ACOT9: variants seen among roughly 807,000 people sequenced by gnomAD.
ACOT9 encodes acyl-coenzyme A thioesterase 9, mitochondrial.
ACOT9 carries 34 observed loss-of-function variants against 39.7 expected under a neutral mutation model. That is an observed-to-expected ratio of 0.86 (90% CI 0.65 to 1.14). The LOEUF is 1.14. Ranked by LOEUF, ACOT9 falls within the 50% of genes most tolerant of loss-of-function variation. ACOT9 has a pLI of 0.00. For synonymous variants in ACOT9, 110 were observed against 120.5 expected (o/e 0.91, Z 0.57); for missense variants, 313 against 344.1 (o/e 0.91, Z 0.71).
intron 4 of ACOT9, among the ~76,000 whole-genome samples, chrX:23,732,213 T>C (rs1429564928): frequency 8.9e-6 from 1 of 112,545 alleles, no homozygotes; most frequent in Non-Finnish European, 1.9e-5. Flanking sequence ...TAAACAGCTA[T>C]AAAAACATTT....
At chrX:23,740,678 T>A (rs1315529504) in intron 1 of ACOT9, among the ~76,000 whole-genome samples, 1 of 102,616 alleles carries the variant, frequency 9.7e-6, no homozygotes, top group African/African-American at 3.5e-5. Flanking sequence ...ACCAGCAGAG[T>A]CCAGATAGAG....
At chrX:23,721,301 C>A (rs1929310835) in intron 8 of ACOT9, among the ~76,000 whole-genome samples, 1 of 110,596 alleles carries the variant, frequency 9.0e-6, no homozygotes, top group Non-Finnish European at 1.9e-5. Flanking sequence ...CCATATTGGC[C>A]AGGCTGGTCT....
chrX:23,718,722 G>A (rs772755877), intron 8 of ACOT9, among the ~76,000 whole-genome samples: 2 of 108,131 alleles, frequency 1.8e-5, no homozygotes, highest in Admixed American at 1.0e-4. Flanking sequence ...TGGCTAACAC[G>A]GTGAAACCCC....
At chrX:23,715,225 A>T (rs938693396) in intron 8 of ACOT9, among the ~76,000 whole-genome samples, 1 of 111,863 alleles carries the variant, frequency 8.9e-6, no homozygotes. Context: ...TTCACCAAAT[A>T]CTGTGCTCAT....
chrX:23,721,730 C>T (rs1347846240), intron 8 of ACOT9, 151 bp downstream of exon 8: 3 of 398,663 alleles, frequency 7.5e-6, no homozygotes, highest in Non-Finnish European at 1.3e-5. Context: ...ATATTAATAA[C>T]CCACCATCCA....
chrX:23,725,470 C>CAAAAAA (rs34682904), intron 6 of ACOT9, among the ~76,000 whole-genome samples: 2 of 48,944 alleles, frequency 4.1e-5, no homozygotes, highest in African/African-American at 8.6e-5. Flanking sequence ...GACTCTGTCT[C>CAAAAAA]AAAAAAAAAA....
At chrX:23,725,488 A>AAAGAT (rs1488436114) in intron 6 of ACOT9, among the ~76,000 whole-genome samples, 6 of 102,810 alleles carry the variant, frequency 5.8e-5, no homozygotes, top group African/African-American at 2.1e-4. Flanking sequence ...AAAAAAAAAA[A>AAAGAT]AGATAAAGAT....
chrX:23,734,338 C>A lies in ACOT9; in HGVS notation c.145+3G>T. 8.4e-7 allele frequency: 1 copy of A among 1,195,557 alleles called. No homozygotes were observed. The highest frequency in any genetic ancestry group is 1.1e-6 in the Non-Finnish European group (1 of 885,764). On this transcript the variant is annotated splice_donor_region_variant and intron_variant, in intron 3 of 15. Transcript: ENST00000379303. ...AAAAGCTGATACTAATTACCACACACACCATGATTCACATGTATAGATGAA... is the reference window on the plus strand; with the variant it reads ...AAAAGCTGATACTAATTACCACACAAACCATGATTCACATGTATAGATGAA...
rs776012511 is a variant in ACOT9, at chrX:23,704,800, A to C, written c.1152T>G (p.Ser384Arg). 1.1e-5 allele frequency: 13 copies of C among 1,209,020 alleles called. No individual in the cohort carries two copies. The highest frequency in any genetic ancestry group is 1.3e-5 in the Non-Finnish European group (12 of 894,205). Reference sequence around the variant, plus strand: ...GCTTCTCCTGCAGGGAGGCCACTTCACTGTGTACTCTGACTTGAATATAAT... The same window carrying C: ...GCTTCTCCTGCAGGGAGGCCACTTCCCTGTGTACTCTGACTTGAATATAAT... ...QNNYIQVRVHSEVASLQEKQH... is the reference protein window; with the variant it reads ...QNNYIQVRVHREVASLQEKQH... The change falls in exon 15 of 16, where the codon AGT (serine) becomes AGG (arginine). Residue 384 changes from serine (S) to arginine (R), a missense_variant. Ser to Arg is a moderately radical substitution (Grantham distance 110). Transcript: ENST00000379303.
At chrX:23,734,416 A>G (rs922206713) in intron 2 of ACOT9, 49 bp from the exon 3 acceptor site, 2 of 1,040,665 alleles carry the variant, frequency 1.9e-6, no homozygotes, top group African/African-American at 3.8e-5. Context: ...ATAATTCAAA[A>G]CTAAAAGATA....
chrX:23,742,993 G>A (rs1055626079), intron 1 of ACOT9, 132 bp downstream of exon 1: 16 of 792,919 alleles, frequency 2.0e-5, no homozygotes, highest in African/African-American at 4.3e-5. Flanking sequence ...GTGGGCGAGC[G>A]CCCCTTATCA....
intron 10 of ACOT9, 33 bp from the exon 11 acceptor site, chrX:23,706,772 G>C (rs754163613): frequency 1.1e-6 from 1 of 921,469 alleles, no homozygotes; most frequent in Non-Finnish European, 1.5e-6. Flanking sequence ...GCAATGATCA[G>C]GACGGTCGCA....
chrX:23,743,215 G>A lies in ACOT9; in HGVS notation c.-71C>T. On this transcript the variant is annotated 5_prime_UTR_variant, in exon 1 of 16. Transcript: ENST00000379303. Reference sequence around the variant, plus strand: ...CTAGTCGGCGGAGGGAAACTGAGGCGATAAAAGACGCACGAGTACCAGACC... The same window carrying A: ...CTAGTCGGCGGAGGGAAACTGAGGCAATAAAAGACGCACGAGTACCAGACC... The A allele has an allele frequency of 2.7e-6, 3 of 1,107,761 alleles. No homozygotes were observed. The highest frequency in any genetic ancestry group is 3.6e-6 in the Non-Finnish European group (3 of 832,280). The allele number at this position is 1,107,761 out of a possible 1,213,427, so 91.3% of individuals were successfully genotyped here.
intron 4 of ACOT9, among the ~76,000 whole-genome samples, chrX:23,732,572 TTAGA>T (rs1218491281): frequency 8.9e-6 from 1 of 112,093 alleles, no homozygotes; most frequent in Non-Finnish European, 1.9e-5. Flanking sequence ...AAATAAGTCA[TTAGA>T]TAATTTCTAT....
At chrX:23,705,685 G>A (rs1261633343) in intron 12 of ACOT9, 83 bp downstream of exon 12, 1 of 1,115,763 alleles carries the variant, frequency 9.0e-7, no homozygotes, top group Non-Finnish European at 1.2e-6. Flanking sequence ...CAGGACAAAG[G>A]CCAGTTTAAA....
chrX:23,711,599 A>G (rs1410257157), intron 9 of ACOT9, among the ~76,000 whole-genome samples: 1 of 112,136 alleles, frequency 8.9e-6, no homozygotes, highest in African/African-American at 3.2e-5. Context: ...GCCTAATGAT[A>G]CTAATTAAAG....
At chrX:23,707,762 CA>C (rs1928750299) in intron 10 of ACOT9, 114 bp downstream of exon 10, 29 of 500,856 alleles carry the variant, frequency 5.8e-5, no homozygotes, top group Non-Finnish European at 6.3e-5. Context: ...AAAAAACAAA[CA>C]AAAAAAAGAC....
chrX:23,729,782 C>T (rs1929664774), intron 6 of ACOT9, among the ~76,000 whole-genome samples: 1 of 111,020 alleles, frequency 9.0e-6, no homozygotes, highest in African/African-American at 3.3e-5. Context: ...CAGGCGTATG[C>T]CACCACGCCT....
intron 1 of ACOT9, among the ~76,000 whole-genome samples, chrX:23,740,353 C>T (rs1225639872): frequency 1.8e-5 from 2 of 110,474 alleles, no homozygotes; most frequent in African/African-American, 6.6e-5. Context: ...GTGATCTGCC[C>T]GCCTCAGTAT....
Sources: allele counts gnomAD v4.1 joint callset (sites outside exome capture counted in the v4.1 genomes callset), GRCh38; gene constraint gnomAD v4.1.1; transcripts MANE v1.5; gene names NCBI Gene and HGNC (gene_info 2026-07-23, HGNC 2026-07-21).